Variants in RSPH10B observed in about 807,000 individuals in gnomAD.
The protein encoded by RSPH10B is radial spoke head 10 homolog B (Chlamydomonas).
A neutral mutation model predicts 52.5 loss-of-function variants in RSPH10B; 7 were observed. The ratio of observed to expected loss-of-function variants is 0.13; its 90% CI spans 0.08 to 0.25. The LOEUF (loss-of-function observed/expected upper bound fraction) is 0.25. RSPH10B is among the 10% of genes least tolerant of loss of function. The probability of loss-of-function intolerance (pLI) is 1.00; values close to 1 mark genes in which losing one functional copy is unlikely to be tolerated. For missense variants in RSPH10B, 89 were observed against 542.5 expected, an observed-to-expected ratio of 0.16 and a Z score of 8.30; for synonymous variants, 28 against 193.2, an observed-to-expected ratio of 0.14 and a Z score of 7.09.
intron 7 of RSPH10B, among the ~76,000 whole-genome samples, chr7:5,954,142 A>C (rs1583238310): frequency 8.2e-6 from 1 of 122,264 alleles, no homozygotes. Context: ...CGTGCCCCAC[A>C]ATTTTTTTTT....
chr7:5,963,919 A>AG (rs57503222), intron 3 of RSPH10B, among the ~76,000 whole-genome samples: 1 of 144,328 alleles, frequency 6.9e-6, no homozygotes, highest in Non-Finnish European at 1.5e-5. Flanking sequence ...AAAAAAAAAA[A>AG]GTAAAAATAA....
intron 13 of RSPH10B, among the ~76,000 whole-genome samples, chr7:5,942,516 C>T (rs1780247875): frequency 3.0e-5 from 4 of 135,432 alleles, no homozygotes; most frequent in South Asian, 4.5e-4. Context: ...AGGGGTGCCC[C>T]GCTGTACTCG....
chr7:5,927,078 G>GTGTGTATATATA (rs1779519441), intron 18 of RSPH10B, among the ~76,000 whole-genome samples: 2 of 129,790 alleles, frequency 1.5e-5, no homozygotes, highest in Admixed American at 7.6e-5. Context: ...ATATGTGTGT[G>GTGTGTATATATA]TGTGTGTGTG....
intron 15 of RSPH10B, among the ~76,000 whole-genome samples, chr7:5,937,086 C>CTCAAAA (rs1779958849): frequency 1.6e-4 from 4 of 25,106 alleles, no homozygotes; most frequent in African/African-American, 4.2e-4. Flanking sequence ...AGCTCTGTCT[C>CTCAAAA]AAAAAAAAAA....
intron 13 of RSPH10B, among the ~76,000 whole-genome samples, chr7:5,941,751 A>G (rs1780201492): frequency 7.1e-6 from 1 of 141,370 alleles, no homozygotes; most frequent in Admixed American, 7.2e-5. Context: ...TAAAAAAAAA[A>G]AAGTATCATG....
At position 5,942,926 on chromosome 7, in the gene RSPH10B, A is replaced by AT. The variant is rs10616078; in HGVS notation, c.1758+397dup. Among the ~76,000 whole-genome samples the AT allele has an allele frequency of 3.4e-4, 48 of 141,040 alleles. No homozygotes were observed. The South Asian group carries it at 5.0e-3, about 15-fold the overall frequency. 92.5% of individuals were successfully genotyped at this position (141,040 alleles called of 152,430 possible). On this transcript the variant is annotated intron_variant, in intron 13 of 18. Coordinates refer to ENST00000337579, the Ensembl canonical transcript of RSPH10B. ...TATATATTTATTTATATATATATAT[A>AT]TTTTTTTTTAAGACAATGGCCCATG...
chr7:5,961,496 C>T (rs1780946196), intron 3 of RSPH10B, among the ~76,000 whole-genome samples: 1 of 86,746 alleles, frequency 1.2e-5, no homozygotes, highest in African/African-American at 4.3e-5. Flanking sequence ...CCCATCATCA[C>T]ACCCTGCTAA....
In RSPH10B at chr7:5,947,891, T is replaced by A. The variant is rs112304391; in HGVS notation, c.1414+329A>T. Among the ~76,000 whole-genome samples the A allele has an allele frequency of 5.0e-3, 468 of 92,752 alleles. 52 individuals carry two copies. Among genetic ancestry groups the A allele is most frequent in the Non-Finnish European group, 8.6e-3 (362 of 42,092 alleles). The allele number at this position is 92,752 out of a possible 152,430, so 60.8% of individuals were successfully genotyped here. The stretch of plus-strand genomic sequence containing the variant: ...GTGTGTGTGTGTGTGTGTGTGTGTG[T>A]GATGGAGTCTCGCCCTGTCACCCAG... On this transcript the variant is annotated intron_variant, in intron 10 of 18. Transcript: ENST00000337579.
At chr7:5,954,141 C>A (rs1280217108) in intron 7 of RSPH10B, among the ~76,000 whole-genome samples, 1 of 124,084 alleles carries the variant, frequency 8.1e-6, no homozygotes, top group African/African-American at 3.0e-5. Flanking sequence ...TCGTGCCCCA[C>A]AATTTTTTTT....
At chr7:5,927,098 ATT>A (rs1232040567) in intron 18 of RSPH10B, among the ~76,000 whole-genome samples, 3 of 74,610 alleles carry the variant, frequency 4.0e-5, no homozygotes, top group African/African-American at 1.0e-4. Flanking sequence ...GTGTGTGTGT[ATT>A]TTTTTTTTTG....
intron 6 of RSPH10B, among the ~76,000 whole-genome samples, chr7:5,956,729 C>T (rs1317332897): frequency 6.9e-5 from 10 of 145,752 alleles, no homozygotes; most frequent in East Asian, 4.1e-4. Flanking sequence ...CAACCACTCC[C>T]GGCTAATTTT....
At chr7:5,927,660 A>G (rs943973428) in intron 18 of RSPH10B, among the ~76,000 whole-genome samples, 5 of 146,130 alleles carry the variant, frequency 3.4e-5, no homozygotes, top group Non-Finnish European at 7.4e-5. Flanking sequence ...AAATAGCTGC[A>G]TGCAGTGACT....
intron 17 of RSPH10B, among the ~76,000 whole-genome samples, chr7:5,931,095 G>A (rs1158172993): frequency 1.6e-5 from 2 of 126,568 alleles, no homozygotes; most frequent in African/African-American, 5.8e-5. Context: ...CACCACACCT[G>A]GCTAATTTTT....
At position 5,958,034 on chromosome 7, in the gene RSPH10B, T is replaced by A. The variant is rs1460523873; in HGVS notation, c.660-7A>T. ...TATATTTCCAGATTTATAACTAGGA[T>A]GAAAGAAACCAAAGAAAAACAATCA... On this transcript the variant is annotated splice_region_variant and splice_polypyrimidine_tract_variant and intron_variant, in intron 5 of 18. Transcript: ENST00000337579. 2 of 926,876 alleles carry A rather than the reference T, an allele frequency of 2.2e-6. No homozygotes were observed. The highest frequency in any genetic ancestry group is 3.1e-6 in the Non-Finnish European group (2 of 653,614). The allele number at this position is 926,876 out of a possible 1,614,324, so 57.4% of individuals were successfully genotyped here. A position where few individuals can be genotyped will look rare whatever the true frequency, so the allele number is the denominator to read the frequency against.
intron 9 of RSPH10B, among the ~76,000 whole-genome samples, chr7:5,950,510 G>A (rs1185492146): frequency 6.6e-6 from 1 of 151,742 alleles, no homozygotes; most frequent in African/African-American, 2.4e-5. Context: ...GGCGGAGGTT[G>A]CAGTGAGCTG....
chr7:5,956,732 C>G (rs189772460), intron 6 of RSPH10B, among the ~76,000 whole-genome samples: 2,921 of 145,194 alleles, frequency 0.02, 9 homozygotes, highest in African/African-American at 0.069. Context: ...CCACTCCCGG[C>G]TAATTTTTAT....
At chr7:5,931,246 T>G (rs1779748288) in intron 17 of RSPH10B, among the ~76,000 whole-genome samples, 1 of 149,168 alleles carries the variant, frequency 6.7e-6, no homozygotes, top group Non-Finnish European at 1.5e-5. Context: ...GAAGAGATTT[T>G]CCTAACTGGG....
intron 18 of RSPH10B, among the ~76,000 whole-genome samples, chr7:5,927,112 G>A: frequency 7.4e-6 from 1 of 135,010 alleles, no homozygotes; most frequent in South Asian, 2.3e-4. Flanking sequence ...TTTTTTTTGA[G>A]ATAGGGTCTT....
chr7:5,955,340 A>G (rs1489374190), intron 7 of RSPH10B, among the ~76,000 whole-genome samples: 2 of 80,396 alleles, frequency 2.5e-5, no homozygotes, highest in Non-Finnish European at 5.0e-5. Flanking sequence ...TGGACTGTGC[A>G]CTCAGAAATG....
Sources: gnomAD v4.1 joint callset for allele counts (sites outside exome capture counted in the v4.1 genomes callset) on GRCh38, gnomAD v4.1.1 for gene constraint, MANE v1.5 for transcripts, NCBI Gene and HGNC (gene_info 2026-07-23, HGNC 2026-07-21) for gene names.